ZNF410: variants seen among roughly 807,000 people sequenced by gnomAD.
The protein encoded by ZNF410 is zinc finger protein 410.
ZNF410 carries 18 observed loss-of-function variants against 54.8 expected under a neutral mutation model. That is an observed-to-expected ratio of 0.33 (90% CI 0.23 to 0.49). The LOEUF (loss-of-function observed/expected upper bound fraction) is 0.49, where lower values mean the gene tolerates loss of function less well. Ranked by LOEUF, ZNF410 falls within the 20% of genes least tolerant of loss-of-function variation. ZNF410 has a pLI of 0.99. For missense variants in ZNF410, 405 were observed against 569.6 expected (o/e 0.71, Z 2.94); for synonymous variants, 191 against 207.3 (o/e 0.92, Z 0.68).
Position 73,915,719 on chromosome 14 carries a change from A to T in ZNF410, c.1004-5261A>T, listed in dbSNP as rs1594760853. ...ATGAAGGAATTTACCTTCTCTTCCT[A>T]GTATGTTGAGAATTTTTATTATGAA... On this transcript the variant is annotated intron_variant, in intron 8 of 11. Transcript: ENST00000555044. The T allele has an allele frequency of 3.3e-5, 5 of 152,172 alleles. No homozygotes were observed. The South Asian group carries it at 1.0e-3, about 32-fold the overall frequency. 9.4% of individuals were successfully genotyped at this position (152,172 alleles called of 1,614,324 possible). A position where few individuals can be genotyped will look rare whatever the true frequency, so the allele number is the denominator to read the frequency against.
chr14:73,921,955 T>C (rs1227385260), intron 9 of ZNF410, 111 bp from the exon 10 acceptor site: 1 of 1,326,694 alleles, frequency 7.5e-7, no homozygotes, highest in Non-Finnish European at 1.0e-6. Flanking sequence ...GCATCCCATC[T>C]ATAGGTTAAC....
intron 11 of ZNF410, among the ~76,000 whole-genome samples, chr14:73,928,852 G>A (rs1325845476): frequency 6.6e-6 from 1 of 152,132 alleles, no homozygotes; most frequent in African/African-American, 2.4e-5. Flanking sequence ...AGAGGCTGAG[G>A]CAGGAGGATC....
chr14:73,923,255 C>A, intron 10 of ZNF410, 140 bp from the exon 11 acceptor site: 1 of 945,514 alleles, frequency 1.1e-6, no homozygotes, highest in Non-Finnish European at 1.5e-6. Context: ...GCTTATCAGA[C>A]AGGATTAACT....
In ZNF410 at chr14:73,932,415, C is replaced by G. The variant is rs148201672; in HGVS notation, c.*874C>G. 6.9e-5 allele frequency: 31 copies of G among 451,840 alleles called. No individual in the cohort carries two copies. In the Admixed American group the frequency reaches 7.0e-4, roughly 10 times the overall value. 28.0% of individuals were successfully genotyped at this position (451,840 alleles called of 1,614,324 possible). On this transcript the variant is annotated 3_prime_UTR_variant, in exon 12 of 12. Coordinates refer to ENST00000555044, the MANE Select transcript of ZNF410 (RefSeq NM_021188.3). ...TGAACCGAGGAGTCTTAGGAAACAA[C>G]AAGAACATCTTCATTTCTTAAGCCC...
At chr14:73,931,332 G>T (rs1005498209) in intron 11 of ZNF410, among the ~76,000 whole-genome samples, 171 bp from the exon 12 acceptor site, 2 of 152,262 alleles carry the variant, frequency 1.3e-5, no homozygotes, top group African/African-American at 4.8e-5. Flanking sequence ...GCTGTCCCAA[G>T]GCCACAGTGA....
chr14:73,904,190 T>C (rs988044873), intron 6 of ZNF410, 80 bp downstream of exon 6: 4 of 1,509,052 alleles, frequency 2.7e-6, no homozygotes, highest in African/African-American at 2.8e-5. Context: ...CCCCTCAGGT[T>C]GACAAATTAC....
At chr14:73,923,710 G>T (rs2055788307) in intron 11 of ZNF410, among the ~76,000 whole-genome samples, 188 bp downstream of exon 11, 1 of 152,142 alleles carries the variant, frequency 6.6e-6, no homozygotes, top group Non-Finnish European at 1.5e-5. Flanking sequence ...ATTGGAGATT[G>T]GTCTGTCACA....
In ZNF410 at chr14:73,909,523, C is replaced by G. The variant is rs554727226; in HGVS notation, c.1003+93C>G. 12 of 987,840 alleles carry G rather than the reference C, an allele frequency of 1.2e-5. No individual in the cohort carries two copies. The African/African-American group carries it at 1.9e-4, about 16-fold the overall frequency. 61.2% of individuals were successfully genotyped at this position (987,840 alleles called of 1,614,324 possible). On this transcript the variant is annotated intron_variant, in intron 8 of 11. Coordinates refer to ENST00000555044, the MANE Select transcript of ZNF410 (RefSeq NM_021188.3). ...TGATATAAAGACAACTAAAAAGAAA[C>G]AAACTGTTCACTATAAAGATAGAAA...
intron 11 of ZNF410, chr14:73,924,765 C>G: frequency 4.8e-6 from 2 of 417,474 alleles, no homozygotes; most frequent in South Asian, 3.5e-5. Context: ...CAACCTCTGC[C>G]TCCCAGGTTC....
At position 73,921,095 on chromosome 14, in the gene ZNF410, G is replaced by A; in HGVS notation, c.1119G>A (p.Gln373=). 1 of 1,614,006 alleles carries A rather than the reference G, an allele frequency of 6.2e-7. No homozygotes were observed. The highest frequency in any genetic ancestry group is 8.5e-7 in the Non-Finnish European group (1 of 1,179,984). ...LQLGAAGSQE[Q]EQTAEPLMGS... is the part of the protein sequence containing the mutation. The stretch of plus-strand genomic sequence containing the variant: ...TGGGAGCAGCTGGGAGTCAAGAGCA[G>A]GAGCAAACTGGTGAGGAGGGTGGGC... Residue 373 remains glutamine (Q), a synonymous_variant, in exon 9 of 12, where the codon CAG becomes CAA. Transcript: ENST00000555044.
At chr14:73,897,018 A>G (rs187450504) in intron 4 of ZNF410, among the ~76,000 whole-genome samples, 168 of 152,324 alleles carry the variant, frequency 1.1e-3, no homozygotes, top group Non-Finnish European at 2.0e-3. Flanking sequence ...TAAGAGGACA[A>G]CAGAACAGGA....
chr14:73,922,477 A>G lies in ZNF410; in HGVS notation c.1270+271A>G, dbSNP rs376509599. 1.7e-4 allele frequency: 39 copies of G among 231,162 alleles called. No individual in the cohort carries two copies. The South Asian group carries it at 1.8e-3, about 11-fold the overall frequency. 14.3% of individuals were successfully genotyped at this position (231,162 alleles called of 1,614,324 possible). Reference sequence around the variant, plus strand: ...CTAGCATCCTAGCCCAACTATTTCTATCTTTCCTATTGCAGTTATGGAAGA... The same window carrying G: ...CTAGCATCCTAGCCCAACTATTTCTGTCTTTCCTATTGCAGTTATGGAAGA... On this transcript the variant is annotated intron_variant, in intron 10 of 11. Coordinates refer to ENST00000555044, the MANE Select transcript of ZNF410 (RefSeq NM_021188.3).
At chr14:73,899,938 G>A (rs922291712) in intron 5 of ZNF410, among the ~76,000 whole-genome samples, 6 of 152,052 alleles carry the variant, frequency 3.9e-5, no homozygotes, top group African/African-American at 1.4e-4. Flanking sequence ...GCTCATGCCT[G>A]TAATCCCTGC....
Position 73,893,815 on chromosome 14 carries a change from CAG to C in ZNF410, c.54_55del (p.Asn19TyrfsTer15). Reference sequence around the variant, plus strand: ...CCCCCAGCTCCTGGTACAGTTTGTTCAGAATACGTCCATCCCATTGGGACAGG... The same window carrying C: ...CCCCCAGCTCCTGGTACAGTTTGTTCAATACGTCCATCCCATTGGGACAGG... ...SKPELLVQFVQNTSIPLGQGL... is the reference protein window; with the variant it reads ...SKPELLVQFVXNTSIPLGQGL... On this transcript the variant is annotated frameshift_variant, in exon 3 of 12. Coordinates refer to ENST00000555044, the MANE Select transcript of ZNF410 (RefSeq NM_021188.3). LOFTEE classifies it high-confidence loss of function. 1 of 1,608,652 alleles carries C rather than the reference CAG, an allele frequency of 6.2e-7. No individual in the cohort carries two copies. The highest frequency in any genetic ancestry group is 8.5e-7 in the Non-Finnish European group (1 of 1,178,598).
At chr14:73,901,285 C>T (rs144326526) in intron 5 of ZNF410, among the ~76,000 whole-genome samples, 38 of 152,192 alleles carry the variant, frequency 2.5e-4, no homozygotes, top group African/African-American at 8.7e-4. Flanking sequence ...AGAAACCATA[C>T]GGCAGCCGGG....
chr14:73,894,245 G>A (rs2055275923), intron 3 of ZNF410: 2 of 677,674 alleles, frequency 3.0e-6, no homozygotes, highest in South Asian at 1.6e-5. Context: ...TAAAATAGTT[G>A]GATGAACATC....
intron 8 of ZNF410, 179 bp downstream of exon 8, chr14:73,909,609 G>A: frequency 2.1e-6 from 1 of 480,600 alleles, no homozygotes; most frequent in Non-Finnish European, 3.6e-6. Flanking sequence ...ATCAAGGTTG[G>A]GGGGGGGACA....
At chr14:73,925,126 TGCCAGGAC>T (rs2055810254) in intron 11 of ZNF410, among the ~76,000 whole-genome samples, 1 of 127,200 alleles carries the variant, frequency 7.9e-6, no homozygotes, top group African/African-American at 2.7e-5. Flanking sequence ...TTAATGCTTT[TGCCAGGAC>T]TTTTCTTTTT....
chr14:73,917,834 G>A (rs1731069194), intron 8 of ZNF410, among the ~76,000 whole-genome samples: 1 of 151,944 alleles, frequency 6.6e-6, no homozygotes, highest in African/African-American at 2.4e-5. Flanking sequence ...AATATAAAAA[G>A]AAGAAAAGGG....
Sources: gnomAD v4.1 joint callset for allele counts (sites outside exome capture counted in the v4.1 genomes callset) on GRCh38, gnomAD v4.1.1 for gene constraint, MANE v1.5 for transcripts, NCBI Gene and HGNC (gene_info 2026-07-23, HGNC 2026-07-21) for gene names.